The following SVIL variants were observed in gnomAD, a reference collection of about 807,000 sequenced individuals.
SVIL encodes the protein supervillin.
SVIL carries 101 observed loss-of-function variants against 240.4 expected under a neutral mutation model. The observed-to-expected ratio is 0.42, with a 90% CI of 0.36 to 0.50. The LOEUF is 0.50. Among genes scored for constraint, SVIL ranks in the 20% least tolerant of loss-of-function variants. The pLI, the probability that SVIL is intolerant of heterozygous loss-of-function variation, is 0.01. For missense variants in SVIL, 2,512 were observed against 2,818.7 expected (o/e 0.89, Z 2.46); for synonymous variants, 999 against 1,100.0 (o/e 0.91, Z 1.82).
chr10:29,695,017 C>T (rs1425158693), intron 1 of SVIL, among the ~76,000 whole-genome samples: 1 of 152,104 alleles, frequency 6.6e-6, no homozygotes, highest in African/African-American at 2.4e-5. Flanking sequence ...CTTCTGAGGG[C>T]AGAAATTCGG....
At chr10:29,714,331 A>C (rs1963486550) in intron 1 of SVIL, among the ~76,000 whole-genome samples, 1 of 152,164 alleles carries the variant, frequency 6.6e-6, no homozygotes, top group African/African-American at 2.4e-5. Context: ...ACCTCAAAAA[A>C]GGCGAAGACT....
At chr10:29,712,405 G>C (rs772037509) in intron 1 of SVIL, among the ~76,000 whole-genome samples, 1 of 152,150 alleles carries the variant, frequency 6.6e-6, no homozygotes, top group South Asian at 2.1e-4. Context: ...GACCTTAGCT[G>C]GTTGTTAGAA....
At chr10:29,545,488 G>A (rs1233726287) in intron 6 of SVIL, among the ~76,000 whole-genome samples, 3 of 152,140 alleles carry the variant, frequency 2.0e-5, no homozygotes, top group Admixed American at 6.5e-5. Flanking sequence ...GAAAAGAGTG[G>A]TGAGGGGCTG....
chr10:29,732,480 CTT>C (rs932714597), intron 1 of SVIL, among the ~76,000 whole-genome samples: 2 of 152,046 alleles, frequency 1.3e-5, no homozygotes, highest in African/African-American at 4.8e-5. Context: ...ATTTGAAAAA[CTT>C]TCAAGTTTTT....
chr10:29,716,032 T>C (rs1303980213), intron 1 of SVIL, among the ~76,000 whole-genome samples: 1 of 152,240 alleles, frequency 6.6e-6, no homozygotes, highest in African/African-American at 2.4e-5. Context: ...TAGAACTACA[T>C]TTTACTTTAA....
chr10:29,700,839 A>G (rs1371331000), intron 1 of SVIL, among the ~76,000 whole-genome samples: 1 of 151,988 alleles, frequency 6.6e-6, no homozygotes, highest in Non-Finnish European at 1.5e-5. Flanking sequence ...TGCAATCACG[A>G]TTTCAGTCCT....
chr10:29,591,771 C>T (rs1956400000), intron 1 of SVIL, among the ~76,000 whole-genome samples: 1 of 152,232 alleles, frequency 6.6e-6, no homozygotes, highest in Non-Finnish European at 1.5e-5. Context: ...TGTCATCGGC[C>T]TTGCTGCATG....
At chr10:29,547,038 A>G (rs1952758684) in intron 6 of SVIL, among the ~76,000 whole-genome samples, 1 of 152,178 alleles carries the variant, frequency 6.6e-6, no homozygotes, top group African/African-American at 2.4e-5. Flanking sequence ...TTTCATATAC[A>G]GTTATTTAGG....
chr10:29,700,468 C>CTTTTTTTTTTTTTTTT (rs71281545), intron 1 of SVIL, among the ~76,000 whole-genome samples: 1 of 113,128 alleles, frequency 8.8e-6, no homozygotes, highest in African/African-American at 3.4e-5. Context: ...TTACTATTTC[C>CTTTTTTTTTTTTTTTT]TTTTTTTTTT....
intron 1 of SVIL, among the ~76,000 whole-genome samples, chr10:29,628,836 G>C (rs1957974805): frequency 6.6e-6 from 1 of 152,192 alleles, no homozygotes; most frequent in Non-Finnish European, 1.5e-5. Context: ...AAGGAAAGCT[G>C]AGCAAGCAAA....
intron 2 of SVIL, among the ~76,000 whole-genome samples, chr10:29,659,426 A>C (rs1401530542): frequency 1.3e-5 from 2 of 152,102 alleles, no homozygotes; most frequent in Non-Finnish European, 2.9e-5. Context: ...TCACTCAAGC[A>C]CAGAGGGCTC....
chr10:29,500,800 C>A (rs1184057057), intron 17 of SVIL, among the ~76,000 whole-genome samples: 1 of 152,128 alleles, frequency 6.6e-6, no homozygotes, highest in Non-Finnish European at 1.5e-5. Context: ...CCTAGAGATT[C>A]TCTTCCCCGA....
At chr10:29,724,388 C>CACACAG (rs1312774207) in intron 1 of SVIL, among the ~76,000 whole-genome samples, 2 of 151,278 alleles carry the variant, frequency 1.3e-5, no homozygotes, top group Non-Finnish European at 2.9e-5. Context: ...CACACACACA[C>CACACAG]ACACACACAT....
intron 1 of SVIL, among the ~76,000 whole-genome samples, chr10:29,688,801 A>G (rs1472580730): frequency 1.3e-5 from 2 of 152,370 alleles, no homozygotes; most frequent in East Asian, 1.9e-4. Context: ...TGTTTTAAGT[A>G]TATGTTTTAA....
intron 16 of SVIL, among the ~76,000 whole-genome samples, chr10:29,514,064 ATAAT>A (rs1950041586): frequency 1.3e-5 from 2 of 152,236 alleles, no homozygotes; most frequent in South Asian, 4.1e-4. Flanking sequence ...GAAAAGCCAA[ATAAT>A]TAGATCCTTT....
intron 1 of SVIL, among the ~76,000 whole-genome samples, chr10:29,569,822 A>G (rs576237384): frequency 6.6e-6 from 1 of 152,324 alleles, no homozygotes; most frequent in African/African-American, 2.4e-5. Flanking sequence ...ATAACAACCA[A>G]TAAAAATAAC....
intron 1 of SVIL, among the ~76,000 whole-genome samples, chr10:29,583,316 G>T (rs1454681562): frequency 6.6e-6 from 1 of 151,896 alleles, no homozygotes; most frequent in Non-Finnish European, 1.5e-5. Flanking sequence ...TTTATTTTTT[G>T]AGACAGGGTC....
intron 7 of SVIL, among the ~76,000 whole-genome samples, chr10:29,534,178 T>A (rs1951579086): frequency 6.6e-6 from 1 of 152,190 alleles, no homozygotes; most frequent in Non-Finnish European, 1.5e-5. Context: ...CATCCCCCTG[T>A]CCTGCTGTTA....
chr10:29,660,506 G>A (rs1229081524), intron 2 of SVIL, among the ~76,000 whole-genome samples: 1 of 152,178 alleles, frequency 6.6e-6, no homozygotes, highest in Non-Finnish European at 1.5e-5. Context: ...TACTAGGGAG[G>A]CTGAGGTGGG....
Sources: allele counts gnomAD v4.1 joint callset (sites outside exome capture counted in the v4.1 genomes callset), GRCh38; gene constraint gnomAD v4.1.1; transcripts MANE v1.5; gene names NCBI Gene and HGNC (gene_info 2026-07-23, HGNC 2026-07-21).